The following DAB1 variants were observed in gnomAD, a reference collection of about 807,000 sequenced individuals.
The protein encoded by DAB1 is DAB adaptor protein 1.
Under a neutral mutation model 64.6 loss-of-function variants are expected in DAB1, and 15 were observed. The ratio of observed to expected loss-of-function variants is 0.23; its 90% CI spans 0.16 to 0.36. The LOEUF (loss-of-function observed/expected upper bound fraction) is 0.36, where lower values mean the gene tolerates loss of function less well. DAB1 is among the 10% of genes least tolerant of loss of function. DAB1 has a pLI of 1.00. For missense variants in DAB1, 596 were observed against 706.7 expected (o/e 0.84, Z 1.78); for synonymous variants, 235 against 251.9 (o/e 0.93, Z 0.64).
At chr1:57,171,163 C>T (rs1476694300) in intron 2 of DAB1, among the ~76,000 whole-genome samples, 1 of 152,064 alleles carries the variant, frequency 6.6e-6, no homozygotes, top group Non-Finnish European at 1.5e-5. Flanking sequence ...ATTGTCTAGC[C>T]AGGTGGAGGT....
At chr1:57,939,647 G>T (rs1645075255) in intron 5 of DAB1, among the ~76,000 whole-genome samples, 1 of 152,162 alleles carries the variant, frequency 6.6e-6, no homozygotes, top group African/African-American at 2.4e-5. Flanking sequence ...CCATGGCCTT[G>T]CCCCAAACCT....
At chr1:57,804,830 T>A (rs953646438) in intron 6 of DAB1, among the ~76,000 whole-genome samples, 1 of 152,218 alleles carries the variant, frequency 6.6e-6, no homozygotes, top group African/African-American at 2.4e-5. Context: ...AAATATATAT[T>A]TTTAAAGCTA....
chr1:57,601,113 T>G (rs749346127), intron 7 of DAB1, among the ~76,000 whole-genome samples: 1 of 152,122 alleles, frequency 6.6e-6, no homozygotes, highest in African/African-American at 2.4e-5. Context: ...ACTGCATACA[T>G]GTTTATGCCT....
At chr1:57,418,660 C>A (rs1019402611) in intron 1 of DAB1, among the ~76,000 whole-genome samples, 1 of 152,164 alleles carries the variant, frequency 6.6e-6, no homozygotes, top group African/African-American at 2.4e-5. Context: ...GTCATCTCTT[C>A]TATTCAGCAG....
At chr1:57,120,053 C>G (rs1480277385) in intron 4 of DAB1, among the ~76,000 whole-genome samples, 2 of 152,050 alleles carry the variant, frequency 1.3e-5, no homozygotes, top group African/African-American at 2.4e-5. Context: ...TCTGCCTCTA[C>G]TTTCTCTAAT....
chr1:57,036,406 CT>C (rs1221699742), intron 9 of DAB1, among the ~76,000 whole-genome samples: 2 of 152,148 alleles, frequency 1.3e-5, no homozygotes, highest in Non-Finnish European at 2.9e-5. Context: ...TTTCTCAGAG[CT>C]GCTCTCTTAC....
intron 4 of DAB1, among the ~76,000 whole-genome samples, chr1:58,340,265 T>C (rs1663219861): frequency 6.6e-6 from 1 of 152,184 alleles, no homozygotes; most frequent in Non-Finnish European, 1.5e-5. Context: ...CTTTCTATTG[T>C]TCTTTATTAG....
At chr1:57,917,561 G>A (rs557850844) in intron 5 of DAB1, among the ~76,000 whole-genome samples, 4 of 152,206 alleles carry the variant, frequency 2.6e-5, no homozygotes, top group South Asian at 2.1e-4. Context: ...GTAGCCATTG[G>A]CATTCTTGTT....
intron 6 of DAB1, among the ~76,000 whole-genome samples, chr1:57,707,992 C>T (rs1194984498): frequency 1.3e-5 from 2 of 152,132 alleles, no homozygotes; most frequent in East Asian, 3.9e-4. Flanking sequence ...TCCATGTGGG[C>T]TGCCCTGAGT....
At chr1:58,208,689 G>C (rs1209469015) in intron 4 of DAB1, among the ~76,000 whole-genome samples, 2 of 152,066 alleles carry the variant, frequency 1.3e-5, no homozygotes, top group Non-Finnish European at 2.9e-5. Context: ...TCCACTTGTT[G>C]ATTATGGGCA....
intron 2 of DAB1, among the ~76,000 whole-genome samples, chr1:57,238,860 T>C (rs59384151): frequency 0.52 from 69,232 of 133,144 alleles, 17,692 homozygotes; most frequent in East Asian, 0.75. Flanking sequence ...CACACACACA[T>C]ACACACACAC....
intron 5 of DAB1, among the ~76,000 whole-genome samples, chr1:58,030,353 T>C (rs1646954573): frequency 2.0e-5 from 3 of 152,232 alleles, no homozygotes; most frequent in African/African-American, 7.2e-5. Context: ...TTTGTATTTA[T>C]TTTTTATTTC....
At chr1:57,609,516 A>G (rs1412843620) in intron 7 of DAB1, among the ~76,000 whole-genome samples, 1 of 152,164 alleles carries the variant, frequency 6.6e-6, no homozygotes, top group Non-Finnish European at 1.5e-5. Context: ...ATACCCAGGG[A>G]CAACTTTACA....
chr1:57,029,368 G>A lies in DAB1; in HGVS notation c.724-3325C>T, dbSNP rs548913516. ...AGGCAGAAGTTTGCTGCAAGGACAGGGCCCTCAGGAAAACTCCTGCTAGGG... is the reference window on the plus strand; with the variant it reads ...AGGCAGAAGTTTGCTGCAAGGACAGAGCCCTCAGGAAAACTCCTGCTAGGG... On this transcript the variant is annotated intron_variant, in intron 9 of 14. Coordinates refer to ENST00000371236, the MANE Select transcript of DAB1 (RefSeq NM_001365792.1). Among the ~76,000 whole-genome samples the A allele has an allele frequency of 2.5e-4, 38 of 152,334 alleles. No individual in the cohort carries two copies. The South Asian group carries it at 7.7e-3, about 31-fold the overall frequency.
intron 6 of DAB1, among the ~76,000 whole-genome samples, chr1:57,797,761 C>A (rs909488876): frequency 3.9e-5 from 6 of 152,164 alleles, no homozygotes; most frequent in Admixed American, 3.3e-4. Context: ...GTTACTTATC[C>A]TATGTGGTTC....
At chr1:57,277,325 G>A (rs1227836558) in intron 2 of DAB1, among the ~76,000 whole-genome samples, 2 of 152,134 alleles carry the variant, frequency 1.3e-5, no homozygotes, top group African/African-American at 2.4e-5. Context: ...AAAATAAACT[G>A]AGAGTAATAT....
intron 5 of DAB1, among the ~76,000 whole-genome samples, chr1:57,928,011 T>A (rs1644904112): frequency 1.3e-5 from 2 of 152,232 alleles, no homozygotes; most frequent in African/African-American, 4.8e-5. Context: ...CACTTTCCCC[T>A]AAACATCTCA....
intron 2 of DAB1, among the ~76,000 whole-genome samples, chr1:57,232,215 A>G (rs931232710): frequency 6.6e-6 from 1 of 150,582 alleles, no homozygotes; most frequent in Non-Finnish European, 1.5e-5. Context: ...TAGGGCTCTG[A>G]CAAGGCCAAG....
At chr1:58,066,764 G>A (rs1410599203) in intron 5 of DAB1, among the ~76,000 whole-genome samples, 3 of 152,148 alleles carry the variant, frequency 2.0e-5, no homozygotes, top group Non-Finnish European at 4.4e-5. Context: ...AGCTCCAGGT[G>A]CAAGAGTCTT....
Sources: allele counts gnomAD v4.1 joint callset (sites outside exome capture counted in the v4.1 genomes callset), GRCh38; gene constraint gnomAD v4.1.1; transcripts MANE v1.5; gene names NCBI Gene and HGNC (gene_info 2026-07-23, HGNC 2026-07-21).